NELL1: variants seen among roughly 807,000 people sequenced by gnomAD.
The protein encoded by NELL1 is protein kinase C-binding protein NELL1.
A neutral mutation model predicts 107.4 loss-of-function variants in NELL1; 76 were observed. The observed-to-expected ratio is 0.71, with a 90% CI of 0.59 to 0.86. The LOEUF (loss-of-function observed/expected upper bound fraction) is 0.86, where lower values mean the gene tolerates loss of function less well. NELL1 is among the 40% of genes least tolerant of loss of function. The pLI is 0.00. For synonymous variants in NELL1, 353 were observed against 341.2 expected (o/e 1.03, Z -0.38); for missense variants, 1,024 against 1,005.5 (o/e 1.02, Z -0.25).
chr11:21,229,851 C>G (rs532835447), intron 14 of NELL1, among the ~76,000 whole-genome samples: 23 of 152,264 alleles, frequency 1.5e-4, no homozygotes, highest in African/African-American at 5.1e-4. Context: ...CAGTTTTAGC[C>G]TTGCTCAGCG....
At chr11:21,187,529 T>G (rs770028970) in intron 13 of NELL1, among the ~76,000 whole-genome samples, 1 of 151,838 alleles carries the variant, frequency 6.6e-6, no homozygotes, top group Non-Finnish European at 1.5e-5. Flanking sequence ...ATTAAGCAAT[T>G]AATACCTCCC....
intron 12 of NELL1, among the ~76,000 whole-genome samples, chr11:21,069,938 G>A (rs1404531405): frequency 2.0e-5 from 3 of 152,160 alleles, no homozygotes; most frequent in Non-Finnish European, 4.4e-5. Flanking sequence ...CACACAGTAA[G>A]TGCGCTATAA....
At chr11:21,068,961 T>A (rs567959150) in intron 12 of NELL1, among the ~76,000 whole-genome samples, 37 of 152,324 alleles carry the variant, frequency 2.4e-4, no homozygotes, top group African/African-American at 8.9e-4. Flanking sequence ...GGTGTATACA[T>A]AAATGTACAC....
At chr11:21,127,391 T>C (rs1216095962) in intron 13 of NELL1, among the ~76,000 whole-genome samples, 1 of 152,002 alleles carries the variant, frequency 6.6e-6, no homozygotes, top group African/African-American at 2.4e-5. Context: ...GGCTAGGCAT[T>C]CAAAACCAGC....
intron 5 of NELL1, among the ~76,000 whole-genome samples, chr11:20,901,175 T>C (rs1331232273): frequency 2.0e-5 from 3 of 152,104 alleles, no homozygotes; most frequent in Admixed American, 2.0e-4. Context: ...TATTAACTTA[T>C]ATATTGCCTA....
At chr11:21,535,276 C>A (rs898352174) in intron 16 of NELL1, among the ~76,000 whole-genome samples, 1 of 152,168 alleles carries the variant, frequency 6.6e-6, no homozygotes, top group Non-Finnish European at 1.5e-5. Context: ...CAATCCAATT[C>A]TTTCATGTTG....
intron 12 of NELL1, among the ~76,000 whole-genome samples, chr11:21,113,001 T>C (rs1017044571): frequency 6.6e-6 from 1 of 152,052 alleles, no homozygotes; most frequent in Non-Finnish European, 1.5e-5. Context: ...CAAGACTTTT[T>C]GTTGAATCAG....
intron 14 of NELL1, among the ~76,000 whole-genome samples, chr11:21,243,411 A>G (rs1175949454): frequency 6.6e-6 from 1 of 152,116 alleles, no homozygotes; most frequent in Non-Finnish European, 1.5e-5. Flanking sequence ...GCTTAAAGCT[A>G]GGAAACAATC....
At chr11:21,035,486 A>T (rs562720766) in intron 12 of NELL1, among the ~76,000 whole-genome samples, 9 of 151,910 alleles carry the variant, frequency 5.9e-5, no homozygotes, top group Non-Finnish European at 1.0e-4. Context: ...AAAAAAAAAA[A>T]AATAAAACTG....
chr11:20,810,402 C>G (rs1237579245), intron 3 of NELL1, among the ~76,000 whole-genome samples: 1 of 152,100 alleles, frequency 6.6e-6, no homozygotes, highest in Non-Finnish European at 1.5e-5. Flanking sequence ...CCGCAAAGTC[C>G]ATTGTATTAT....
In NELL1 at chr11:21,489,712, T is replaced by C. The variant is rs150982201; in HGVS notation, c.1646-44662T>C. Among the ~76,000 whole-genome samples the C allele has an allele frequency of 3.0e-3, 456 of 152,190 alleles. 2 individuals are homozygous for C. The highest frequency in any genetic ancestry group is 0.01 in the African/African-American group (431 of 41,542). ...GACAAAAACCAAATGATCATCTCAA[T>C]AGACACAGAAAAATCATTTGATAAA... On this transcript the variant is annotated intron_variant, in intron 15 of 19. Coordinates refer to ENST00000357134, the MANE Select transcript of NELL1 (RefSeq NM_006157.5).
In NELL1 at chr11:21,472,022, A is replaced by C. The variant is rs1485758366; in HGVS notation, c.1646-62352A>C. ...TTCTGAAGATCATGAAGTTCAATTG[A>C]GTTCAATTTCAGGAGGGACTTTAGT... On this transcript the variant is annotated intron_variant, in intron 15 of 19. Coordinates refer to ENST00000357134, the MANE Select transcript of NELL1 (RefSeq NM_006157.5). 2.0e-5 allele frequency among the ~76,000 whole-genome samples: 3 copies of C among 152,034 alleles called. No individual in the cohort carries two copies. In the East Asian group the frequency reaches 5.8e-4, roughly 29 times the overall value.
intron 4 of NELL1, among the ~76,000 whole-genome samples, chr11:20,855,465 A>G (rs1475917876): frequency 2.0e-5 from 3 of 152,242 alleles, no homozygotes; most frequent in Non-Finnish European, 4.4e-5. Flanking sequence ...GATGTGTTAG[A>G]ATAGAGAGGA....
Position 21,336,193 on chromosome 11 carries a change from T to C in NELL1, c.1550-34660T>C, listed in dbSNP as rs373212276. On this transcript the variant is annotated intron_variant, in intron 14 of 19. Coordinates refer to ENST00000357134, the MANE Select transcript of NELL1 (RefSeq NM_006157.5). ...GACATTAAACTAGAACCTTTTTATGTATATATGAGTAATAAGAACAACATC... is the reference window on the plus strand; with the variant it reads ...GACATTAAACTAGAACCTTTTTATGCATATATGAGTAATAAGAACAACATC... Among the ~76,000 whole-genome samples, 277 of 152,140 alleles carry C rather than the reference T, an allele frequency of 1.8e-3. 8 individuals are homozygous for C. In the South Asian group the frequency reaches 0.054, roughly 30 times the overall value.
At chr11:21,028,591 T>C (rs1045300208) in intron 12 of NELL1, among the ~76,000 whole-genome samples, 2 of 152,166 alleles carry the variant, frequency 1.3e-5, no homozygotes, top group African/African-American at 4.8e-5. Context: ...TTTATTCTCT[T>C]TTGCTGCACT....
chr11:21,180,064 T>C (rs958277488), intron 13 of NELL1, among the ~76,000 whole-genome samples: 3 of 91,962 alleles, frequency 3.3e-5, no homozygotes, highest in South Asian at 3.8e-4. Context: ...CTGAATTTAG[T>C]TGGGGGCAGG....
At chr11:20,812,466 G>A (rs1174701944) in intron 3 of NELL1, among the ~76,000 whole-genome samples, 3 of 152,164 alleles carry the variant, frequency 2.0e-5, no homozygotes, top group Admixed American at 6.5e-5. Context: ...TGTAATGCTG[G>A]CCTCATAGAA....
rs72943890 is a variant in NELL1, at chr11:21,215,533, A to C, written c.1427-13799A>C. The stretch of plus-strand genomic sequence containing the variant: ...TTAGAAGAAGATTGGAAACTATGGG[A>C]AAGTTTGGAACTTCCTAGAGACTTG... On this transcript the variant is annotated intron_variant, in intron 13 of 19. Coordinates refer to ENST00000357134, the MANE Select transcript of NELL1 (RefSeq NM_006157.5). Among the ~76,000 whole-genome samples the C allele has an allele frequency of 4.6e-3, 697 of 152,288 alleles. 2 individuals are homozygous for C. Among genetic ancestry groups the C allele is most frequent in the Non-Finnish European group, 6.9e-3 (466 of 68,012 alleles).
chr11:21,541,816 C>T (rs1262714264), intron 16 of NELL1, among the ~76,000 whole-genome samples: 1 of 152,036 alleles, frequency 6.6e-6, no homozygotes, highest in African/African-American at 2.4e-5. Flanking sequence ...ATGCAAATTT[C>T]CTGACAAGTA....
Sources: gnomAD v4.1 joint callset for allele counts (sites outside exome capture counted in the v4.1 genomes callset) on GRCh38, gnomAD v4.1.1 for gene constraint, MANE v1.5 for transcripts, NCBI Gene and HGNC (gene_info 2026-07-23, HGNC 2026-07-21) for gene names.